Variants in NME7 observed in about 807,000 individuals in gnomAD.
The protein encoded by NME7 is nucleoside diphosphate kinase 7.
In NME7, 41 loss-of-function variants were observed where a neutral mutation model predicts 49.1. The observed-to-expected ratio is 0.83, with a 90% CI of 0.65 to 1.08. The LOEUF is 1.08. Ranked by LOEUF, NME7 falls within the 50% of genes least tolerant of loss-of-function variation. The pLI is 0.00. For synonymous variants in NME7, 139 were observed against 150.6 expected (o/e 0.92, Z 0.56); for missense variants, 423 against 463.4 (o/e 0.91, Z 0.80).
At chr1:169,332,133 T>C (rs527251160) in intron 1 of NME7, among the ~76,000 whole-genome samples, 8 of 151,950 alleles carry the variant, frequency 5.3e-5, no homozygotes, top group African/African-American at 1.9e-4. Flanking sequence ...CATAGACCAA[T>C]GGAACAGAAT....
chr1:169,356,983 C>T (rs1002377039), intron 1 of NME7, among the ~76,000 whole-genome samples: 13 of 152,224 alleles, frequency 8.5e-5, no homozygotes, highest in African/African-American at 2.9e-4. Context: ...CTTCTGTGTT[C>T]CCACATTCAG....
chr1:169,162,584 C>T (rs924645948), intron 11 of NME7, among the ~76,000 whole-genome samples: 8 of 152,044 alleles, frequency 5.3e-5, no homozygotes, highest in Non-Finnish European at 1.0e-4. Context: ...TGACTCTCAC[C>T]TATAATCCCA....
At chr1:169,354,299 T>G (rs1666642926) in intron 1 of NME7, among the ~76,000 whole-genome samples, 1 of 152,022 alleles carries the variant, frequency 6.6e-6, no homozygotes, top group Non-Finnish European at 1.5e-5. Flanking sequence ...CACAAAAACA[T>G]TGCACGTTCT....
chr1:169,263,249 T>G lies in NME7; in HGVS notation c.754+24054A>C, dbSNP rs1174886490. Reference sequence around the variant, plus strand: ...AGTTCTCCAGTTAAGGGTTATTAACTGGGTTGAGATGGCTGAAATGACAGA... The same window carrying G: ...AGTTCTCCAGTTAAGGGTTATTAACGGGGTTGAGATGGCTGAAATGACAGA... On this transcript the variant is annotated intron_variant, in intron 7 of 11. Coordinates refer to ENST00000367811, the MANE Select transcript of NME7 (RefSeq NM_013330.5). Among the ~76,000 whole-genome samples, 6 of 133,904 alleles carry G rather than the reference T, an allele frequency of 4.5e-5. 1 individual carries two copies. In the East Asian group the frequency reaches 1.2e-3, roughly 27 times the overall value. 87.8% of individuals were successfully genotyped at this position (133,904 alleles called of 152,430 possible).
chr1:169,349,055 A>T (rs1653055626), intron 1 of NME7, among the ~76,000 whole-genome samples: 1 of 152,200 alleles, frequency 6.6e-6, no homozygotes, highest in African/African-American at 2.4e-5. Flanking sequence ...AAAAGAATAT[A>T]CAGTAGGCAT....
intron 7 of NME7, among the ~76,000 whole-genome samples, chr1:169,251,724 C>A (rs12039156): frequency 1.7e-5 from 2 of 117,604 alleles, no homozygotes; most frequent in African/African-American, 6.5e-5. Flanking sequence ...CCCCACCCCA[C>A]AACAGTCCCC....
At chr1:169,182,337 G>C (rs1489659557) in intron 10 of NME7, among the ~76,000 whole-genome samples, 1 of 152,032 alleles carries the variant, frequency 6.6e-6, no homozygotes, top group Non-Finnish European at 1.5e-5. Context: ...CTTATACTCA[G>C]CTTGCACAAA....
chr1:169,276,379 T>C (rs1189249952), intron 7 of NME7, among the ~76,000 whole-genome samples: 1 of 133,680 alleles, frequency 7.5e-6, no homozygotes, highest in Non-Finnish European at 1.8e-5. Context: ...GTTATTGGTG[T>C]ATTCAGAGAT....
intron 10 of NME7, among the ~76,000 whole-genome samples, chr1:169,196,429 C>G (rs1200627125): frequency 6.6e-6 from 1 of 152,058 alleles, no homozygotes; most frequent in Admixed American, 6.6e-5. Flanking sequence ...GTCTGTCTTT[C>G]TATTAGAACA....
chr1:169,316,469 C>T (rs1651630961), intron 3 of NME7, among the ~76,000 whole-genome samples: 2 of 152,094 alleles, frequency 1.3e-5, no homozygotes, highest in South Asian at 2.1e-4. Context: ...CAAAAATGTC[C>T]ACATTATAAT....
At chr1:169,357,133 A>T (rs1653494687) in intron 1 of NME7, among the ~76,000 whole-genome samples, 2 of 151,992 alleles carry the variant, frequency 1.3e-5, no homozygotes, top group African/African-American at 4.8e-5. Context: ...CCTATAAGGG[A>T]ACTAGTATTA....
In NME7 at chr1:169,132,778, C is replaced by T. The variant is rs767490707; in HGVS notation, c.*7G>A. On this transcript the variant is annotated 3_prime_UTR_variant, in exon 12 of 12. Transcript: ENST00000367811. ...CCCAACCTGTGACTTCTTTACTTTC[C>T]ACACCACTAATTATCCAAGATCTTG... 3.7e-6 allele frequency: 6 copies of T among 1,612,540 alleles called. No individual in the cohort carries two copies. In the South Asian group the frequency reaches 6.6e-5, roughly 18 times the overall value.
At chr1:169,342,970 T>C (rs865810780) in intron 1 of NME7, among the ~76,000 whole-genome samples, 271 of 91,614 alleles carry the variant, frequency 3.0e-3, no homozygotes, top group East Asian at 6.3e-3. Context: ...TATATATATA[T>C]ACAAGTACAT....
At chr1:169,143,812 CCTTA>C (rs1345026911) in intron 11 of NME7, among the ~76,000 whole-genome samples, 1 of 152,110 alleles carries the variant, frequency 6.6e-6, no homozygotes, top group Non-Finnish European at 1.5e-5. Context: ...TATGGTTATG[CCTTA>C]CTTCACTCTA....
At chr1:169,333,710 T>C (rs1652353621) in intron 1 of NME7, among the ~76,000 whole-genome samples, 1 of 152,170 alleles carries the variant, frequency 6.6e-6, no homozygotes, top group Non-Finnish European at 1.5e-5. Context: ...CCCAGGCAGC[T>C]TGACTCCAGA....
intron 7 of NME7, among the ~76,000 whole-genome samples, chr1:169,270,671 C>G (rs1187105912): frequency 7.5e-6 from 1 of 133,640 alleles, no homozygotes; most frequent in African/African-American, 2.5e-5. Flanking sequence ...ATAATACTAA[C>G]AATGTGTAAC....
intron 3 of NME7, among the ~76,000 whole-genome samples, chr1:169,311,286 C>T (rs1651374936): frequency 6.6e-6 from 1 of 151,720 alleles, no homozygotes; most frequent in Non-Finnish European, 1.5e-5. Context: ...GGCAAGGTGG[C>T]GGGCTACTAC....
chr1:169,341,102 G>C (rs375860822), intron 1 of NME7, among the ~76,000 whole-genome samples: 3 of 152,198 alleles, frequency 2.0e-5, no homozygotes, highest in South Asian at 2.1e-4. Context: ...AGAGATCTTC[G>C]TGGCAGCCCC....
intron 3 of NME7, among the ~76,000 whole-genome samples, chr1:169,318,620 G>A (rs1268425820): frequency 1.3e-5 from 2 of 152,124 alleles, no homozygotes; most frequent in East Asian, 3.9e-4. Flanking sequence ...ATTCAATTTT[G>A]GATTTTTAAG....
Sources: gnomAD v4.1 joint callset for allele counts (sites outside exome capture counted in the v4.1 genomes callset) on GRCh38, gnomAD v4.1.1 for gene constraint, MANE v1.5 for transcripts, NCBI Gene and HGNC (gene_info 2026-07-23, HGNC 2026-07-21) for gene names.